The following RPRD2 variants were observed in gnomAD, a reference collection of about 807,000 sequenced individuals.
The protein encoded by RPRD2 is regulation of nuclear pre-mRNA domain-containing protein 2.
A neutral mutation model predicts 104.4 loss-of-function variants in RPRD2; 12 were observed. The ratio of observed to expected loss-of-function variants is 0.11; its 90% CI spans 0.07 to 0.19. RPRD2 has a LOEUF of 0.19. Ranked by LOEUF, RPRD2 falls within the 10% of genes least tolerant of loss-of-function variation. The pLI is 1.00. For missense variants in RPRD2, 1,543 were observed against 1,790.1 expected (o/e 0.86, Z 2.49); for synonymous variants, 714 against 684.9 (o/e 1.04, Z -0.66).
In RPRD2 at chr1:150,364,813, G is replaced by T. The variant is rs72696841; in HGVS notation, c.99G>T (p.Ser33=). 167,324 of 1,613,564 alleles carry T rather than the reference G, an allele frequency of 0.1. 9,777 individuals carry two copies. Among genetic ancestry groups the T allele is most frequent in the Non-Finnish European group, 0.12 (140,943 of 1,179,578 alleles). Reference sequence around the variant, plus strand: ...CCTCGTTGGATCGAAAATTCCAGTCGGTAACCAACACCATGGAGTCCATTC... The same window carrying T: ...CCTCGTTGGATCGAAAATTCCAGTCTGTAACCAACACCATGGAGTCCATTC... The part of the protein sequence containing the change: ...LESSLDRKFQ[S]VTNTMESIQG... Residue 33 remains serine (S), a synonymous_variant, in exon 1 of 11, where the codon TCG becomes TCT. Coordinates refer to ENST00000369068, the MANE Select transcript of RPRD2 (RefSeq NM_015203.5).
chr1:150,411,134 C>T (rs1553887539), intron 1 of RPRD2, among the ~76,000 whole-genome samples: 2 of 152,090 alleles, frequency 1.3e-5, no homozygotes, highest in Admixed American at 1.3e-4. Context: ...CCTCTTTAAA[C>T]AGTCCCTGGC....
At chr1:150,445,195 AAAAC>A (rs1171093349) in intron 6 of RPRD2, among the ~76,000 whole-genome samples, 4 of 152,176 alleles carry the variant, frequency 2.6e-5, no homozygotes, top group African/African-American at 7.2e-5. Flanking sequence ...AAATTTTTTA[AAAAC>A]AAACAATTTA....
intron 7 of RPRD2, among the ~76,000 whole-genome samples, chr1:150,446,991 C>G (rs760641363): frequency 2.9e-4 from 44 of 152,154 alleles, no homozygotes; most frequent in Non-Finnish European, 6.0e-4. Flanking sequence ...CATGCACCAC[C>G]ATGCCCAGCT....
At chr1:150,425,294 T>G (rs1473527659) in intron 2 of RPRD2, among the ~76,000 whole-genome samples, 1 of 152,174 alleles carries the variant, frequency 6.6e-6, no homozygotes, top group African/African-American at 2.4e-5. Flanking sequence ...CAAATTAATA[T>G]TAGCAAGGCA....
Position 150,472,365 on chromosome 1 carries a change from C to T in RPRD2, c.3417C>T (p.Asp1139=), listed in dbSNP as rs776801331. ...FDLSTSGSSF[D]NGPSSASELA... Reference sequence around the variant, plus strand: ...TGAGCACATCAGGTAGCTCTTTTGACAATGGCCCTTCAAGTGCCTCTGAGT... The same window carrying T: ...TGAGCACATCAGGTAGCTCTTTTGATAATGGCCCTTCAAGTGCCTCTGAGT... Residue 1139 remains aspartate, a synonymous_variant, in exon 11 of 11, where the codon GAC becomes GAT. Transcript: ENST00000369068. 10 of 1,613,862 alleles carry T rather than the reference C, an allele frequency of 6.2e-6. No homozygotes were observed. The highest frequency in any genetic ancestry group is 1.1e-5 in the South Asian group (1 of 91,088).
chr1:150,440,845 T>A, intron 2 of RPRD2, 78 bp from the exon 3 acceptor site: 1 of 725,558 alleles, frequency 1.4e-6, no homozygotes, highest in Non-Finnish European at 2.3e-6. Flanking sequence ...ATTTTATTGA[T>A]AACTTTATTT....
At chr1:150,447,110 C>T (rs1458795232) in intron 7 of RPRD2, among the ~76,000 whole-genome samples, 2 of 151,990 alleles carry the variant, frequency 1.3e-5, no homozygotes, top group Non-Finnish European at 2.9e-5. Context: ...GCTGGGATTA[C>T]AGGCAGGAGC....
chr1:150,464,819 A>G lies in RPRD2; in HGVS notation c.1612+92A>G, dbSNP rs1668160940. Reference sequence around the variant, plus strand: ...TTCCATTTCTGATGAATCCAGAGCCATAAAATGTATAACACAGTTAATTCA... The same window carrying G: ...TTCCATTTCTGATGAATCCAGAGCCGTAAAATGTATAACACAGTTAATTCA... On this transcript the variant is annotated intron_variant, in intron 10 of 10. Coordinates refer to ENST00000369068, the MANE Select transcript of RPRD2 (RefSeq NM_015203.5). 5 of 811,230 alleles carry G rather than the reference A, an allele frequency of 6.2e-6. No individual in the cohort carries two copies. In the Admixed American group the frequency reaches 7.3e-5, roughly 12 times the overall value. 50.3% of individuals were successfully genotyped at this position (811,230 alleles called of 1,614,324 possible). A position where few individuals can be genotyped will look rare whatever the true frequency, so the allele number is the denominator to read the frequency against.
In RPRD2 at chr1:150,471,603, A is replaced by G. The variant is rs1444571628; in HGVS notation, c.2655A>G (p.Val885=). The stretch of plus-strand genomic sequence containing the variant: ...GCCACAGAGCCCAAGAATTTGGGGT[A>G]AAGTCTGCCTTCCCTCCATCTGTAA... ...SYSHRAQEFG[V]KSAFPPSVRA... Residue 885 remains valine (V), a synonymous_variant, in exon 11 of 11, where the codon GTA becomes GTG. Transcript: ENST00000369068. This position sits in a 1 kb window ranked among gnomAD's most constrained non-coding sequence, Gnocchi z 5.3. 8.1e-6 allele frequency: 13 copies of G among 1,613,720 alleles called. No homozygotes were observed. Among genetic ancestry groups the G allele is most frequent in the Non-Finnish European group, 8.5e-6 (10 of 1,179,836 alleles).
At chr1:150,444,760 TATTG>T (rs1337732530) in intron 6 of RPRD2, among the ~76,000 whole-genome samples, 1 of 152,244 alleles carries the variant, frequency 6.6e-6, no homozygotes, top group Admixed American at 6.5e-5. Context: ...GCAGAAATTA[TATTG>T]ATTTGTTCAT....
At chr1:150,377,292 T>C (rs12027008) in intron 1 of RPRD2, among the ~76,000 whole-genome samples, 16,867 of 150,408 alleles carry the variant, frequency 0.11, 1,421 homozygotes, top group East Asian at 0.46. Context: ...GAGATGGAAT[T>C]ATAAGGAACT....
At chr1:150,445,781 T>C (rs1221518003) in intron 6 of RPRD2, among the ~76,000 whole-genome samples, 1 of 152,160 alleles carries the variant, frequency 6.6e-6, no homozygotes, top group Non-Finnish European at 1.5e-5. Context: ...TAAGATAAAA[T>C]TGTGAGGCCG....
At chr1:150,365,201 G>C (rs1291723863) in intron 1 of RPRD2, among the ~76,000 whole-genome samples, 1 of 152,210 alleles carries the variant, frequency 6.6e-6, no homozygotes, top group Non-Finnish European at 1.5e-5. Flanking sequence ...TAATATTTCA[G>C]AGCCTTGTAA....
At chr1:150,422,500 T>C (rs1572441962) in intron 2 of RPRD2, among the ~76,000 whole-genome samples, 1 of 152,194 alleles carries the variant, frequency 6.6e-6, no homozygotes, top group East Asian at 1.9e-4. Flanking sequence ...TAGAAGTTCC[T>C]GGCAGGTAAT....
rs182573964 is a variant in RPRD2 at position 150,379,574 on chromosome 1, G to T, written c.205+14655G>T. ...TGTGCCACCATGCCCGGCTAATTTT[G>T]TATTTTTAGTAGAGACGGGGTTTCT... On this transcript the variant is annotated intron_variant, in intron 1 of 10. Coordinates refer to ENST00000369068, the MANE Select transcript of RPRD2 (RefSeq NM_015203.5). Among the ~76,000 whole-genome samples the T allele has an allele frequency of 8.7e-3, 1,330 of 152,014 alleles. 10 individuals carry two copies. Among genetic ancestry groups the T allele is most frequent in the Non-Finnish European group, 0.013 (897 of 67,956 alleles).
intron 2 of RPRD2, 57 bp from the exon 3 acceptor site, chr1:150,440,866 A>G: frequency 1.3e-6 from 1 of 787,870 alleles, no homozygotes; most frequent in Admixed American, 3.2e-5. Flanking sequence ...TCAGATTTCT[A>G]GTTTGGAGTA....
chr1:150,416,269 T>C (rs1274536922), intron 1 of RPRD2, among the ~76,000 whole-genome samples: 3 of 152,042 alleles, frequency 2.0e-5, no homozygotes, highest in African/African-American at 7.3e-5. Context: ...GACTCTGGAA[T>C]TGATGAAGAA....
intron 2 of RPRD2, among the ~76,000 whole-genome samples, chr1:150,430,271 T>G (rs1665461046): frequency 6.6e-6 from 1 of 152,106 alleles, no homozygotes; most frequent in Admixed American, 6.5e-5. Context: ...GTAAGATATT[T>G]GGACAGATGG....
chr1:150,414,498 A>G (rs1270682435), intron 1 of RPRD2, among the ~76,000 whole-genome samples: 1 of 152,182 alleles, frequency 6.6e-6, no homozygotes, highest in Non-Finnish European at 1.5e-5. Flanking sequence ...GAGAACATCA[A>G]CATTTAAATG....
Sources: allele counts gnomAD v4.1 joint callset (sites outside exome capture counted in the v4.1 genomes callset), GRCh38; gene constraint gnomAD v4.1.1; non-coding constraint Gnocchi (gnomAD v3.1); transcripts MANE v1.5; gene names NCBI Gene and HGNC (gene_info 2026-07-23, HGNC 2026-07-21).